MTRR: variants seen among roughly 807,000 people sequenced by gnomAD.
MTRR encodes 5-methyltetrahydrofolate-homocysteine methyltransferase reductase.
Under a neutral mutation model 79.2 loss-of-function variants are expected in MTRR, and 63 were observed. The ratio of observed to expected loss-of-function variants is 0.80; its 90% CI spans 0.65 to 0.98. The LOEUF (loss-of-function observed/expected upper bound fraction) is 0.98. MTRR is among the 50% of genes least tolerant of loss of function. The pLI is 0.00. For synonymous variants in MTRR, 355 were observed against 313.3 expected, an observed-to-expected ratio of 1.13 and a Z score of -1.41; for missense variants, 895 against 839.6, an observed-to-expected ratio of 1.07 and a Z score of -0.82.
intron 5 of MTRR, among the ~76,000 whole-genome samples, chr5:7,881,320 G>GTTT (rs1735556200): frequency 6.6e-6 from 1 of 151,984 alleles, no homozygotes; most frequent in Non-Finnish European, 1.5e-5. Context: ...TTTAGTGGCC[G>GTTT]AGTGTGTCGC....
upstream of MTRR, chr5:7,866,989 C>T (rs773592462): frequency 2.9e-5 from 46 of 1,614,014 alleles, no homozygotes; most frequent in African/African-American, 8.0e-5. Context: ...CAGGATCCAA[C>T]GTGAGGCACA....
intron 9 of MTRR, 37 bp from the exon 10 acceptor site, chr5:7,891,335 A>G: frequency 3.5e-6 from 3 of 847,972 alleles, no homozygotes; most frequent in Middle Eastern, 2.8e-4. Flanking sequence ...TTTCAGTAGT[A>G]GTGAATTAAT....
rs780299669 is a variant in MTRR at position 7,896,858 on chromosome 5, A to G, written c.1677-6A>G. 1.2e-6 allele frequency: 2 copies of G among 1,608,252 alleles called. No individual in the cohort carries two copies. The highest frequency in any genetic ancestry group is 1.1e-5 in the South Asian group (1 of 90,444). ...ACACACCTAAACTTTTTTTTTTTCC[A>G]CTTAGAGAGAAACTCCAAGAACAAC... On this transcript the variant is annotated splice_region_variant and splice_polypyrimidine_tract_variant and intron_variant, in intron 12 of 14. Coordinates refer to ENST00000440940, the MANE Select transcript of MTRR (RefSeq NM_002454.3).
intron 1 of MTRR, chr5:7,861,374 A>G: frequency 3.2e-6 from 2 of 615,778 alleles, no homozygotes; most frequent in Non-Finnish European, 2.6e-6. Flanking sequence ...CTATGTGCCA[A>G]TATTATTTTC....
upstream of MTRR, chr5:7,868,306 TC>T: frequency 2.1e-6 from 1 of 482,244 alleles, no homozygotes; most frequent in Non-Finnish European, 3.6e-6. Context: ...ACAATAACAA[TC>T]GCTATTACTT....
chr5:7,880,713 A>G (rs560424238), intron 5 of MTRR, among the ~76,000 whole-genome samples: 60 of 152,282 alleles, frequency 3.9e-4, no homozygotes, highest in African/African-American at 1.3e-3. Flanking sequence ...CCATGATGAT[A>G]GATCTTAACG....
At chr5:7,872,289 C>T in intron 2 of MTRR, 1 of 442,178 alleles carries the variant, frequency 2.3e-6, no homozygotes, top group Non-Finnish European at 4.5e-6. Context: ...GGCAGTAAAG[C>T]TTGTGGAGTC....
rs540934158 is a variant in MTRR, at chr5:7,869,812, T to G, written c.-26+597T>G. ...GTGTTTCATGGGAAGTGATAGAAAT[T>G]TTAGCTGTAGTAAGGTTTTCATTAT... On this transcript the variant is annotated intron_variant, in intron 1 of 14. Coordinates refer to ENST00000440940, the MANE Select transcript of MTRR (RefSeq NM_002454.3). 1.9e-5 allele frequency: 3 copies of G among 159,834 alleles called. No individual in the cohort carries two copies. In the East Asian group the frequency reaches 5.7e-4, roughly 31 times the overall value. The allele number at this position is 159,834 out of a possible 1,614,324, so 9.9% of individuals were successfully genotyped here. A position where few individuals can be genotyped will look rare whatever the true frequency, so the allele number is the denominator to read the frequency against.
At chr5:7,891,481 T>G in intron 10 of MTRR, 67 bp downstream of exon 10, 1 of 1,318,284 alleles carries the variant, frequency 7.6e-7, no homozygotes, top group South Asian at 1.2e-5. Flanking sequence ...GGCTTCCAGA[T>G]CATTAGAGTT....
chr5:7,856,661 T>G (rs1291844511), intron 1 of MTRR: 1 of 151,952 alleles, frequency 6.6e-6, no homozygotes, highest in African/African-American at 2.4e-5. Flanking sequence ...ATTTGGGAGA[T>G]CGCAGCCCTA....
chr5:7,854,619 T>C (rs1331872758), intron 1 of MTRR, among the ~76,000 whole-genome samples: 1 of 152,136 alleles, frequency 6.6e-6, no homozygotes, highest in Non-Finnish European at 1.5e-5. Flanking sequence ...AACTATCAGA[T>C]CTCATGAGAC....
intron 1 of MTRR, among the ~76,000 whole-genome samples, chr5:7,854,942 C>T (rs1302791771): frequency 6.6e-6 from 1 of 152,160 alleles, no homozygotes; most frequent in African/African-American, 2.4e-5. Context: ...GCATCATTCC[C>T]AAGGCATTCA....
intron 1 of MTRR, chr5:7,859,616 G>T (rs7727993): frequency 0.019 from 17,063 of 914,622 alleles, 189 homozygotes; most frequent in Non-Finnish European, 0.024. Flanking sequence ...TACTTTGTTT[G>T]TTTCTTACAC....
At chr5:7,899,039 C>T (rs941197853) in intron 14 of MTRR, among the ~76,000 whole-genome samples, 10 of 152,022 alleles carry the variant, frequency 6.6e-5, no homozygotes, top group African/African-American at 1.7e-4. Flanking sequence ...GCACCTCACA[C>T]GGCAAGAGAG....
At chr5:7,886,838 T>C (rs1039070462) in intron 8 of MTRR, 135 bp downstream of exon 8, 1 of 715,354 alleles carries the variant, frequency 1.4e-6, no homozygotes, top group Non-Finnish European at 2.5e-6. Flanking sequence ...TTAATATTAG[T>C]TCCCAAGGGT....
chr5:7,875,693 T>A lies in MTRR; in HGVS notation c.401+318T>A, dbSNP rs139800682. On this transcript the variant is annotated intron_variant, in intron 4 of 14. Transcript: ENST00000440940. ...GCTTGTTCTTTAGGAACTTTAATCGTGCATGTGCTTCTCTCTGCCATGCAC... is the reference window on the plus strand; with the variant it reads ...GCTTGTTCTTTAGGAACTTTAATCGAGCATGTGCTTCTCTCTGCCATGCAC... 5.9e-5 allele frequency among the ~76,000 whole-genome samples: 9 copies of A among 152,350 alleles called. No individual in the cohort carries two copies. In the East Asian group the frequency reaches 1.7e-3, roughly 29 times the overall value.
chr5:7,899,043 A>T (rs1739022872), intron 14 of MTRR, among the ~76,000 whole-genome samples: 1 of 152,042 alleles, frequency 6.6e-6, no homozygotes, highest in Admixed American at 6.5e-5. Context: ...CTCACACGGC[A>T]AGAGAGGGAG....
rs1736840452 is a variant in MTRR at position 7,887,807 on chromosome 5, T to TGC, written c.1146+1104_1146+1105insGC. ...GTGTGTGTGTGCATATATATATATATATATATATATATATATATATATATG... is the reference window on the plus strand; with the variant it reads ...GTGTGTGTGTGCATATATATATATATGCATATATATATATATATATATATATG... On this transcript the variant is annotated intron_variant, in intron 8 of 14. Transcript: ENST00000440940. 2.8e-4 allele frequency among the ~76,000 whole-genome samples: 10 copies of TGC among 35,232 alleles called. No homozygotes were observed. In the South Asian group the frequency reaches 5.1e-3, roughly 18 times the overall value. 23.1% of individuals were successfully genotyped at this position (35,232 alleles called of 152,430 possible).
intron 5 of MTRR, among the ~76,000 whole-genome samples, chr5:7,881,282 C>G (rs1735548842): frequency 6.6e-6 from 1 of 152,022 alleles, no homozygotes; most frequent in South Asian, 2.1e-4. Context: ...AGGGGTTAGT[C>G]CCTTACCTTC....
Sources: allele counts gnomAD v4.1 joint callset (sites outside exome capture counted in the v4.1 genomes callset), GRCh38; gene constraint gnomAD v4.1.1; transcripts MANE v1.5; gene names NCBI Gene and HGNC (gene_info 2026-07-23, HGNC 2026-07-21).